Variants in CPEB3 observed in about 807,000 individuals in gnomAD.
The protein encoded by CPEB3 is cytoplasmic polyadenylation element binding protein 3, also known as cytoplasmic polyadenylation element-binding protein 3.
Under a neutral mutation model 67.2 loss-of-function variants are expected in CPEB3, and 20 were observed. That is an observed-to-expected ratio of 0.30 (90% CI 0.21 to 0.43). CPEB3 has a LOEUF of 0.43. CPEB3 is among the 20% of genes least tolerant of loss of function. CPEB3 has a pLI of 1.00. For missense variants in CPEB3, 746 were observed against 968.6 expected, an observed-to-expected ratio of 0.77 and a Z score of 3.05; for synonymous variants, 376 against 393.1, an observed-to-expected ratio of 0.96 and a Z score of 0.51.
chr10:92,230,726 T>G (rs1851226824), intron 2 of CPEB3, among the ~76,000 whole-genome samples: 1 of 152,182 alleles, frequency 6.6e-6, no homozygotes, highest in African/African-American at 2.4e-5. Context: ...ATTTGAACCC[T>G]CACAGGAGCA....
At chr10:92,216,653 AT>A in intron 2 of CPEB3, 2 of 1,607,168 alleles carry the variant, frequency 1.2e-6, no homozygotes, top group Non-Finnish European at 1.7e-6. Context: ...CTATGTCTAT[AT>A]CCCCTCTAAG....
intron 2 of CPEB3, among the ~76,000 whole-genome samples, chr10:92,238,626 G>GA (rs36036680): frequency 8.6e-4 from 123 of 142,666 alleles, no homozygotes; most frequent in Admixed American, 2.3e-3. Context: ...TCTTACCTCC[G>GA]AAAAAAAAAA....
chr10:92,176,320 A>AAT (rs1248811687), intron 4 of CPEB3, among the ~76,000 whole-genome samples: 2 of 152,350 alleles, frequency 1.3e-5, no homozygotes, highest in South Asian at 2.1e-4. Flanking sequence ...GCTTTATAAA[A>AAT]ATATATATAT....
At chr10:92,238,288 G>A (rs1590488761) in intron 2 of CPEB3, among the ~76,000 whole-genome samples, 1 of 152,148 alleles carries the variant, frequency 6.6e-6, no homozygotes, top group Admixed American at 6.5e-5. Context: ...CCCGCACTAC[G>A]CCTTTCCAAC....
chr10:92,091,697 T>C, intron 8 of CPEB3, 133 bp downstream of exon 8: 1 of 568,532 alleles, frequency 1.8e-6, no homozygotes, highest in Non-Finnish European at 3.1e-6. Flanking sequence ...AAAAGCTCAG[T>C]GAAAATGATG....
In CPEB3 at chr10:92,239,311, G is replaced by C; in HGVS notation, c.1005+35C>G. On this transcript the variant is annotated intron_variant, in intron 2 of 9. Transcript: ENST00000265997. This position sits in a 1 kb window ranked among gnomAD's most constrained non-coding sequence, Gnocchi z 6.0. ...GAGAAGTGGCAAAAGGAGCGGGGCA[G>C]AGGGAAGGAGTGTGTAGGTGCAGCA... 1 of 1,585,700 alleles carries C rather than the reference G, an allele frequency of 6.3e-7. No homozygotes were observed. Among genetic ancestry groups the C allele is most frequent in the Non-Finnish European group, 8.6e-7 (1 of 1,165,046 alleles).
rs542447495 is a variant in CPEB3 at position 92,189,411 on chromosome 10, C to T, written c.1165+3066G>A. Among the ~76,000 whole-genome samples, 7 of 152,280 alleles carry T rather than the reference C, an allele frequency of 4.6e-5. No homozygotes were observed. In the East Asian group the frequency reaches 9.6e-4, roughly 21 times the overall value. ...ACTTCCAGCAAAAAATTGTGGATAA[C>T]ATTTGAGCAGTTTCTAGTGCCAGGG... On this transcript the variant is annotated intron_variant, in intron 3 of 9. Coordinates refer to ENST00000265997, the MANE Select transcript of CPEB3 (RefSeq NM_014912.5).
At chr10:92,177,022 A>G (rs1229134442) in intron 4 of CPEB3, among the ~76,000 whole-genome samples, 1 of 152,210 alleles carries the variant, frequency 6.6e-6, no homozygotes, top group African/African-American at 2.4e-5. Context: ...TATTCTTCCA[A>G]TGTGGCCCAG....
At chr10:92,158,437 A>T (rs992883630) in intron 4 of CPEB3, among the ~76,000 whole-genome samples, 4 of 152,184 alleles carry the variant, frequency 2.6e-5, no homozygotes, top group African/African-American at 9.7e-5. Flanking sequence ...CAGATAAGAA[A>T]AAATTATTCA....
chr10:92,195,041 CAA>C (rs375179343), intron 2 of CPEB3, among the ~76,000 whole-genome samples: 26,217 of 134,978 alleles, frequency 0.19, 2,807 homozygotes, highest in Non-Finnish European at 0.26. Context: ...GAGACTGTCT[CAA>C]AAAACACACA....
Position 92,286,788 on chromosome 10 carries a change from G to T in CPEB3, c.-12+4138C>A, listed in dbSNP as rs557700916. ...CACCTAAAAATATTATACCATTTCT[G>T]TAACGAATACTCCAGGCCCCTTTAT... On this transcript the variant is annotated intron_variant, in intron 1 of 9. Coordinates refer to ENST00000265997, the MANE Select transcript of CPEB3 (RefSeq NM_014912.5). 1.6e-3 allele frequency among the ~76,000 whole-genome samples: 243 copies of T among 152,194 alleles called. 1 individual carries two copies. The highest frequency in any genetic ancestry group is 3.4e-3 in the Middle Eastern group (1 of 294).
At chr10:92,145,204 A>G (rs1846622051) in intron 4 of CPEB3, 119 bp from the exon 5 acceptor site, 4 of 985,154 alleles carry the variant, frequency 4.1e-6, no homozygotes, top group African/African-American at 3.3e-5. Flanking sequence ...AGAAGCATAC[A>G]AAAAAAAAGG....
Position 92,049,476 on chromosome 10 carries a change from A to G in CPEB3, c.*2736T>C, listed in dbSNP as rs566767282. 5 of 152,736 alleles carry G rather than the reference A, an allele frequency of 3.3e-5. No individual in the cohort carries two copies. In the South Asian group the frequency reaches 1.0e-3, roughly 32 times the overall value. 9.5% of individuals were successfully genotyped at this position (152,736 alleles called of 1,614,324 possible). On this transcript the variant is annotated 3_prime_UTR_variant, in exon 10 of 10. Transcript: ENST00000265997. ...ACAACTTGGGGGCACATTTATTTAC[A>G]AAACAAAAGGGAACATGTTATAATT...
rs56279438 is a variant in CPEB3 at position 92,087,575 on chromosome 10, G to A, written c.1687+4255C>T. On this transcript the variant is annotated intron_variant, in intron 8 of 9. Transcript: ENST00000265997. ...AATGGATCCAAAAGCTTGGTCACTG[G>A]GGCAGTCCTCCCATCAGATGCCAAA... Among the ~76,000 whole-genome samples the A allele has an allele frequency of 5.4e-3, 818 of 152,224 alleles. 8 individuals carry two copies. The highest frequency in any genetic ancestry group is 0.019 in the African/African-American group (779 of 41,522).
chr10:92,179,396 T>C (rs1470504347), intron 4 of CPEB3, among the ~76,000 whole-genome samples: 1 of 152,176 alleles, frequency 6.6e-6, no homozygotes, highest in Non-Finnish European at 1.5e-5. Flanking sequence ...AGGATTCACA[T>C]CATGTCAATT....
chr10:92,172,453 C>T (rs572282980), intron 4 of CPEB3, among the ~76,000 whole-genome samples: 6 of 152,100 alleles, frequency 3.9e-5, no homozygotes, highest in Admixed American at 2.0e-4. Flanking sequence ...TGACTCTCCA[C>T]AATCAATAAA....
At chr10:92,169,428 T>G (rs1403970412) in intron 4 of CPEB3, among the ~76,000 whole-genome samples, 1 of 152,220 alleles carries the variant, frequency 6.6e-6, no homozygotes, top group Non-Finnish European at 1.5e-5. Flanking sequence ...CGTGAGCCAC[T>G]GCACCTGACC....
rs1852161157 is a variant in CPEB3, at chr10:92,048,036, TCATG to T, written c.*4172_*4175del. On this transcript the variant is annotated 3_prime_UTR_variant, in exon 10 of 10. Transcript: ENST00000265997. This position sits in a 1 kb window ranked among gnomAD's most constrained non-coding sequence, Gnocchi z 4.1. ...AAGCAGCAGCAGAAAGGCAGACAGA[TCATG>T]CACGCAGTTGCCACAATGAAAGGCA... 1 of 152,304 alleles carries T rather than the reference TCATG, an allele frequency of 6.6e-6. No homozygotes were observed. Among genetic ancestry groups the T allele is most frequent in the Admixed American group, 6.5e-5 (1 of 15,272 alleles). 9.4% of individuals were successfully genotyped at this position (152,304 alleles called of 1,614,324 possible).
At chr10:92,165,918 G>T (rs1033660921) in intron 4 of CPEB3, among the ~76,000 whole-genome samples, 1 of 152,120 alleles carries the variant, frequency 6.6e-6, no homozygotes, top group Non-Finnish European at 1.5e-5. Flanking sequence ...CCTCAAAGTT[G>T]TCCATGAGGA....
Sources: gnomAD v4.1 joint callset for allele counts (sites outside exome capture counted in the v4.1 genomes callset) on GRCh38, gnomAD v4.1.1 for gene constraint, Gnocchi (gnomAD v3.1) non-coding constraint, MANE v1.5 for transcripts, NCBI Gene and HGNC (gene_info 2026-07-23, HGNC 2026-07-21) for gene names.